Variants in NRCAM observed in about 807,000 individuals in gnomAD.
The protein encoded by NRCAM is NgCAM-related cell adhesion molecule.
In NRCAM, 83 loss-of-function variants were observed where a neutral mutation model predicts 156.5. The observed-to-expected ratio is 0.53, with a 90% CI of 0.44 to 0.64. The LOEUF (loss-of-function observed/expected upper bound fraction) is 0.64, where lower values mean the gene tolerates loss of function less well. NRCAM is among the 30% of genes least tolerant of loss of function. The pLI is 0.00. For synonymous variants in NRCAM, 538 were observed against 563.9 expected (o/e 0.95, Z 0.65); for missense variants, 1,417 against 1,597.3 (o/e 0.89, Z 1.92).
chr7:108,331,978 A>G (rs1003513030), intron 2 of NRCAM, among the ~76,000 whole-genome samples: 10 of 152,234 alleles, frequency 6.6e-5, no homozygotes, highest in Non-Finnish European at 1.3e-4. Context: ...AGTAGCCCAT[A>G]AACTAAGTGG....
intron 2 of NRCAM, among the ~76,000 whole-genome samples, chr7:108,377,200 T>C (rs574211202): frequency 1.1e-4 from 16 of 152,236 alleles, no homozygotes; most frequent in African/African-American, 3.9e-4. Flanking sequence ...AAAATATATC[T>C]GCATATTGTA....
chr7:108,203,311 C>T (rs1336573286), intron 13 of NRCAM, among the ~76,000 whole-genome samples: 1 of 152,100 alleles, frequency 6.6e-6, no homozygotes, highest in African/African-American at 2.4e-5. Context: ...GAAATTTCCA[C>T]ATTTATTTAA....
At chr7:108,283,871 A>C (rs545989139) in intron 3 of NRCAM, among the ~76,000 whole-genome samples, 17 of 152,152 alleles carry the variant, frequency 1.1e-4, no homozygotes, top group African/African-American at 3.4e-4. Flanking sequence ...TTTGAGATGG[A>C]GTCTCACTCT....
At chr7:108,250,425 C>CAAAAAAAAAA (rs34274206) in intron 3 of NRCAM, among the ~76,000 whole-genome samples, 11 of 67,376 alleles carry the variant, frequency 1.6e-4, no homozygotes, top group Non-Finnish European at 2.7e-4. Flanking sequence ...CATCTTACCT[C>CAAAAAAAAAA]AAAAAAAAAA....
intron 3 of NRCAM, among the ~76,000 whole-genome samples, chr7:108,242,773 C>A (rs2095621930): frequency 1.3e-5 from 2 of 152,178 alleles, no homozygotes; most frequent in African/African-American, 4.8e-5. Flanking sequence ...AACTAATATA[C>A]TTTCCAATAG....
intron 3 of NRCAM, among the ~76,000 whole-genome samples, chr7:108,243,728 C>T (rs2095700789): frequency 6.6e-6 from 1 of 152,164 alleles, no homozygotes; most frequent in African/African-American, 2.4e-5. Flanking sequence ...TAAAATCACA[C>T]ATATTGCTAA....
intron 1 of NRCAM, among the ~76,000 whole-genome samples, chr7:108,452,553 T>C (rs1431281127): frequency 6.6e-6 from 1 of 152,152 alleles, no homozygotes; most frequent in Non-Finnish European, 1.5e-5. Context: ...TCCTCTGTCC[T>C]CACCTGCCAG....
intron 3 of NRCAM, among the ~76,000 whole-genome samples, chr7:108,264,297 T>TCAAA (rs1016013922): frequency 1.3e-5 from 2 of 152,254 alleles, no homozygotes; most frequent in African/African-American, 4.8e-5. Context: ...TTCTACTTCC[T>TCAAA]GTGTAAAGCC....
At chr7:108,180,720 G>T (rs2062967156) in intron 24 of NRCAM, among the ~76,000 whole-genome samples, 1 of 152,170 alleles carries the variant, frequency 6.6e-6, no homozygotes, top group Non-Finnish European at 1.5e-5. Flanking sequence ...AGAACATGAG[G>T]CAAATGGAGG....
chr7:108,346,122 T>TG (rs902543145), intron 2 of NRCAM, among the ~76,000 whole-genome samples: 1 of 152,094 alleles, frequency 6.6e-6, no homozygotes, highest in African/African-American at 2.4e-5. Flanking sequence ...AGGCAGGCAG[T>TG]GGGGGTGGCG....
At chr7:108,205,735 T>C (rs2080791845) in intron 13 of NRCAM, among the ~76,000 whole-genome samples, 2 of 152,198 alleles carry the variant, frequency 1.3e-5, no homozygotes, top group Non-Finnish European at 2.9e-5. Context: ...GAGAAAATCA[T>C]ACATTGTACC....
intron 2 of NRCAM, among the ~76,000 whole-genome samples, chr7:108,343,135 G>A (rs923114428): frequency 6.6e-6 from 1 of 152,194 alleles, no homozygotes; most frequent in Non-Finnish European, 1.5e-5. Context: ...GGGGTATGCA[G>A]TTGTCAGTGA....
chr7:108,281,373 C>T (rs986618824), intron 3 of NRCAM, among the ~76,000 whole-genome samples: 4 of 151,984 alleles, frequency 2.6e-5, no homozygotes, highest in South Asian at 2.1e-4. Flanking sequence ...CAAAAAGTTC[C>T]GTGTATAGTA....
In NRCAM at chr7:108,232,350, T is replaced by A. The variant is rs1175958036; in HGVS notation, c.403A>T (p.Asn135Tyr). The A allele has an allele frequency of 6.2e-7, 1 of 1,606,142 alleles. No individual in the cohort carries two copies. Among genetic ancestry groups the A allele is most frequent in the Non-Finnish European group, 8.5e-7 (1 of 1,177,502 alleles). ...ARNERGAAVS[N>Y]NIVVRPSRSP... ...CTGGATGGGCGGACAACAATGTTAT[T>A]AGAAACTGCAGCTCCGCGTTCGTTC... is the stretch of plus-strand genomic sequence containing the variant. The change falls in exon 7 of 33, where the codon AAT becomes TAT. Residue 135 changes from asparagine to tyrosine, a missense_variant. Coordinates refer to ENST00000379028, the MANE Select transcript of NRCAM (RefSeq NM_001037132.4).
chr7:108,327,603 G>A (rs1231768452), intron 2 of NRCAM, among the ~76,000 whole-genome samples: 1 of 152,100 alleles, frequency 6.6e-6, no homozygotes, highest in African/African-American at 2.4e-5. Flanking sequence ...TTCATTTCAT[G>A]AGGTTCAAAG....
Position 108,297,707 on chromosome 7 carries a change from AG to A in NRCAM, c.-107+14957del, listed in dbSNP as rs145652916. ...AAAAAACAACAACTGCAAATTATAT[AG>A]TTTCTTAGGTGGTATTACAGAGAAA... is the stretch of plus-strand genomic sequence containing the variant. On this transcript the variant is annotated intron_variant, in intron 3 of 32. Coordinates refer to ENST00000379028, the MANE Select transcript of NRCAM (RefSeq NM_001037132.4). Among the ~76,000 whole-genome samples, 1,377 of 152,320 alleles carry A rather than the reference AG, an allele frequency of 9.0e-3. 29 individuals are homozygous for A. Among genetic ancestry groups the A allele is most frequent in the African/African-American group, 0.031 (1,303 of 41,568 alleles).
At chr7:108,214,757 A>G (rs920695289) in intron 11 of NRCAM, among the ~76,000 whole-genome samples, 1 of 152,306 alleles carries the variant, frequency 6.6e-6, no homozygotes, top group Non-Finnish European at 1.5e-5. Context: ...ATTTCCCTCT[A>G]AACACTGCTT....
At chr7:108,151,879 T>C (rs1458110734) in intron 32 of NRCAM, among the ~76,000 whole-genome samples, 1 of 152,188 alleles carries the variant, frequency 6.6e-6, no homozygotes, top group Non-Finnish European at 1.5e-5. Flanking sequence ...ACTAGTCTTA[T>C]TCTGCTCTGT....
chr7:108,151,126 A>G (rs549640989), intron 32 of NRCAM, among the ~76,000 whole-genome samples: 1 of 152,286 alleles, frequency 6.6e-6, no homozygotes, highest in African/African-American at 2.4e-5. Flanking sequence ...CTGGAAGACA[A>G]AGAGTAATCA....
Sources: gnomAD v4.1 joint callset for allele counts (sites outside exome capture counted in the v4.1 genomes callset) on GRCh38, gnomAD v4.1.1 for gene constraint, MANE v1.5 for transcripts, NCBI Gene and HGNC (gene_info 2026-07-23, HGNC 2026-07-21) for gene names.